TIMP2: variants seen among roughly 807,000 people sequenced by gnomAD.
TIMP2 encodes metalloproteinase inhibitor 2.
A neutral mutation model predicts 24.3 loss-of-function variants in TIMP2; 5 were observed. The observed-to-expected ratio is 0.21, with a 90% CI of 0.11 to 0.43. The LOEUF is 0.43. Ranked by LOEUF, TIMP2 falls within the 20% of genes least tolerant of loss-of-function variation. The probability of loss-of-function intolerance (pLI) is 1.00; values close to 1 mark genes in which losing one functional copy is unlikely to be tolerated. For missense variants in TIMP2, 221 were observed against 297.5 expected (o/e 0.74, Z 1.89); for synonymous variants, 130 against 123.2 (o/e 1.06, Z -0.37).
chr17:78,891,591 G>C lies in TIMP2; in HGVS notation c.131-17672C>G. ...GGCCACAGCTGCCCGAGGTCTCTCA[G>C]CTTCCCCTCCAGACTCTGTCCCTGA... On this transcript the variant is annotated intron_variant, in intron 1 of 4. Transcript: ENST00000262768. The surrounding 1 kb of genome is among the most constrained non-coding windows in gnomAD (Gnocchi z 4.5). 6.4e-7 allele frequency: 1 copy of C among 1,550,904 alleles called. No homozygotes were observed. Among genetic ancestry groups the C allele is most frequent in the Non-Finnish European group, 8.7e-7 (1 of 1,147,072 alleles).
chr17:78,861,988 T>C (rs560750304), intron 3 of TIMP2, among the ~76,000 whole-genome samples: 1 of 152,356 alleles, frequency 6.6e-6, no homozygotes, highest in East Asian at 1.9e-4. Flanking sequence ...CGTGAGCATC[T>C]GCAGCGATGT....
At chr17:78,861,535 C>G (rs1157922266) in intron 3 of TIMP2, among the ~76,000 whole-genome samples, 3 of 152,108 alleles carry the variant, frequency 2.0e-5, no homozygotes, top group South Asian at 2.1e-4. Flanking sequence ...GGCCTTTTAC[C>G]ACCAATTCTG....
intron 2 of TIMP2, 40 bp from the exon 3 acceptor site, chr17:78,871,046 C>T (rs754973316): frequency 3.2e-6 from 5 of 1,554,696 alleles, no homozygotes; most frequent in Non-Finnish European, 3.5e-6. Context: ...CAGAGGGAGG[C>T]CACACAGTTG....
At chr17:78,909,879 G>A (rs914708855) in intron 1 of TIMP2, among the ~76,000 whole-genome samples, 1 of 152,126 alleles carries the variant, frequency 6.6e-6, no homozygotes, top group Non-Finnish European at 1.5e-5. Flanking sequence ...AGCAAACAGG[G>A]AACTAGGGCA....
chr17:78,872,134 G>A (rs549286091), intron 2 of TIMP2, among the ~76,000 whole-genome samples: 25 of 149,290 alleles, frequency 1.7e-4, no homozygotes, highest in East Asian at 7.9e-4. Flanking sequence ...GACTATAGGC[G>A]CATGCCACCA....
chr17:78,864,621 C>T (rs80028226), intron 3 of TIMP2, among the ~76,000 whole-genome samples: 1,604 of 152,172 alleles, frequency 0.011, 30 homozygotes, highest in African/African-American at 0.037. Context: ...AACCTCGTGC[C>T]TCCTCCTTGA....
chr17:78,876,368 T>TA (rs956936114), intron 1 of TIMP2, among the ~76,000 whole-genome samples: 10 of 152,064 alleles, frequency 6.6e-5, no homozygotes, highest in Non-Finnish European at 1.3e-4. Flanking sequence ...CTTTTTTTTT[T>TA]AGACAGAGTC....
rs1338141887 is a variant in TIMP2 at position 78,920,828 on chromosome 17, C to T, written c.130+4131G>A. On this transcript the variant is annotated intron_variant, in intron 1 of 4. Coordinates refer to ENST00000262768, the MANE Select transcript of TIMP2 (RefSeq NM_003255.5). This position sits in a 1 kb window ranked among gnomAD's most constrained non-coding sequence, Gnocchi z 4.5. ...TGCTCACCACGCCGGGCAGCAGGAA[C>T]CCCCTTCCACACCGCCTGGTGCCAA... Among the ~76,000 whole-genome samples, 1 of 152,106 alleles carries T rather than the reference C, an allele frequency of 6.6e-6. No homozygotes were observed. Among genetic ancestry groups the T allele is most frequent in the Non-Finnish European group, 1.5e-5 (1 of 68,024 alleles).
At chr17:78,887,718 G>A (rs2069836853) in intron 1 of TIMP2, among the ~76,000 whole-genome samples, 1 of 144,900 alleles carries the variant, frequency 6.9e-6, no homozygotes, top group Non-Finnish European at 1.5e-5. Flanking sequence ...TATAAGAGCA[G>A]GTCAATCTTT....
chr17:78,866,214 G>T (rs2069614257), intron 3 of TIMP2, among the ~76,000 whole-genome samples: 1 of 152,190 alleles, frequency 6.6e-6, no homozygotes, highest in Non-Finnish European at 1.5e-5. Context: ...TCTGTGCACA[G>T]CTGCAGCAGC....
chr17:78,870,759 GGGCTCCGTACCCT>G, intron 3 of TIMP2, 126 bp downstream of exon 3: 1 of 564,516 alleles, frequency 1.8e-6, no homozygotes, highest in Non-Finnish European at 3.0e-6. Flanking sequence ...GTGGCCGAGA[GGGCTCCGTACCCT>G]GCCTCACTGT....
At chr17:78,921,929 C>A (rs1234908908) in intron 1 of TIMP2, among the ~76,000 whole-genome samples, 1 of 152,196 alleles carries the variant, frequency 6.6e-6, no homozygotes, top group Admixed American at 6.5e-5. Context: ...CTTGTAGACA[C>A]CAAGCCATTT....
intron 1 of TIMP2, among the ~76,000 whole-genome samples, chr17:78,888,990 C>T (rs975616957): frequency 6.6e-6 from 1 of 152,290 alleles, no homozygotes. Context: ...TGAAACCATC[C>T]TAGTACAGGG....
intron 1 of TIMP2, among the ~76,000 whole-genome samples, chr17:78,886,313 T>G (rs2069824777): frequency 6.6e-6 from 1 of 152,070 alleles, no homozygotes; most frequent in South Asian, 2.1e-4. Flanking sequence ...AATAACCCAC[T>G]CAAAGGCAGG....
chr17:78,923,754 T>C (rs78700747), intron 1 of TIMP2, among the ~76,000 whole-genome samples: 6 of 152,198 alleles, frequency 3.9e-5, no homozygotes, highest in African/African-American at 1.4e-4. Flanking sequence ...TCTCAATAGA[T>C]TGGTGCAACT....
intron 3 of TIMP2, among the ~76,000 whole-genome samples, chr17:78,864,881 G>A (rs1284152763): frequency 6.6e-6 from 1 of 151,780 alleles, no homozygotes; most frequent in African/African-American, 2.4e-5. Context: ...ATGAAACCCC[G>A]TCTCTACTAA....
intron 3 of TIMP2, among the ~76,000 whole-genome samples, chr17:78,867,594 CTTTT>C (rs58975858): frequency 2.4e-5 from 3 of 127,650 alleles, no homozygotes; most frequent in Non-Finnish European, 4.8e-5. Flanking sequence ...TTTGTACCTT[CTTTT>C]TTTTTTTTTT....
intron 1 of TIMP2, among the ~76,000 whole-genome samples, chr17:78,888,842 A>G (rs1392185574): frequency 6.6e-6 from 1 of 152,180 alleles, no homozygotes; most frequent in African/African-American, 2.4e-5. Flanking sequence ...GGCTCATGGT[A>G]CTTCATTATA....
chr17:78,873,303 ATTT>A (rs529558087), intron 2 of TIMP2, among the ~76,000 whole-genome samples: 46 of 139,960 alleles, frequency 3.3e-4, no homozygotes, highest in South Asian at 1.4e-3. Context: ...CCTGCCACAT[ATTT>A]TTTTTTTTTT....
Sources: gnomAD v4.1 joint callset for allele counts (sites outside exome capture counted in the v4.1 genomes callset) on GRCh38, gnomAD v4.1.1 for gene constraint, Gnocchi (gnomAD v3.1) non-coding constraint, MANE v1.5 for transcripts, NCBI Gene and HGNC (gene_info 2026-07-23, HGNC 2026-07-21) for gene names.